Variants in SPHKAP observed in about 807,000 individuals in gnomAD.
The protein encoded by SPHKAP is A-kinase anchor protein SPHKAP.
A neutral mutation model predicts 137.5 loss-of-function variants in SPHKAP; 67 were observed. The ratio of observed to expected loss-of-function variants is 0.49; its 90% CI spans 0.40 to 0.60. The LOEUF is 0.60. Among genes scored for constraint, SPHKAP ranks in the 20% least tolerant of loss-of-function variants. SPHKAP has a pLI of 0.00. For missense variants in SPHKAP, 2,097 were observed against 2,069.3 expected (o/e 1.01, Z -0.26); for synonymous variants, 813 against 785.3 (o/e 1.04, Z -0.59).
intron 3 of SPHKAP, among the ~76,000 whole-genome samples, chr2:228,090,549 G>A (rs1379358943): frequency 6.6e-6 from 1 of 152,082 alleles, no homozygotes; most frequent in Non-Finnish European, 1.5e-5. Flanking sequence ...AGATTTTGGG[G>A]GCTAGGGGCA....
At chr2:228,047,764 G>A (rs184602157) in intron 3 of SPHKAP, among the ~76,000 whole-genome samples, 55 of 152,292 alleles carry the variant, frequency 3.6e-4, no homozygotes, top group Non-Finnish European at 7.4e-4. Flanking sequence ...ACTGTTTGAT[G>A]ATCTGAAACT....
intron 3 of SPHKAP, among the ~76,000 whole-genome samples, chr2:228,077,092 G>A (rs928130138): frequency 3.3e-5 from 5 of 152,314 alleles, no homozygotes; most frequent in Non-Finnish European, 5.9e-5. Flanking sequence ...ACATGATGTT[G>A]AGTCTGTGAG....
intron 3 of SPHKAP, among the ~76,000 whole-genome samples, chr2:228,086,351 G>A (rs2106320896): frequency 6.6e-6 from 1 of 152,116 alleles, no homozygotes; most frequent in African/African-American, 2.4e-5. Context: ...AGCACAACTT[G>A]ACAGAAGCTC....
At chr2:228,056,223 G>A (rs974785425) in intron 3 of SPHKAP, among the ~76,000 whole-genome samples, 1 of 152,290 alleles carries the variant, frequency 6.6e-6, no homozygotes, top group South Asian at 2.1e-4. Flanking sequence ...ACTAGAAGGT[G>A]GACTCATGAA....
intron 3 of SPHKAP, among the ~76,000 whole-genome samples, chr2:228,068,937 C>A (rs1037279964): frequency 4.6e-5 from 7 of 152,132 alleles, no homozygotes; most frequent in African/African-American, 9.7e-5. Flanking sequence ...ACTGTCCAAG[C>A]CTGGCCAGTC....
intron 1 of SPHKAP, among the ~76,000 whole-genome samples, chr2:228,161,261 A>G (rs1424474085): frequency 6.6e-6 from 1 of 152,228 alleles, no homozygotes; most frequent in Admixed American, 6.5e-5. Context: ...GTAGACAGTG[A>G]GAGAATGTGA....
chr2:228,079,370 C>T (rs1697285268), intron 3 of SPHKAP, among the ~76,000 whole-genome samples: 1 of 152,182 alleles, frequency 6.6e-6, no homozygotes, highest in African/African-American at 2.4e-5. Context: ...GGGTCCATGG[C>T]TCTGGGGTTG....
intron 3 of SPHKAP, among the ~76,000 whole-genome samples, chr2:228,087,864 C>T (rs531015672): frequency 1.6e-4 from 24 of 151,972 alleles, no homozygotes; most frequent in Non-Finnish European, 2.5e-4. Context: ...GAGAGAGGAG[C>T]GGCAAATATT....
intron 5 of SPHKAP, among the ~76,000 whole-genome samples, chr2:228,023,935 C>T (rs1694934895): frequency 6.6e-6 from 1 of 152,082 alleles, no homozygotes; most frequent in South Asian, 2.1e-4. Context: ...CTGCTGAAAA[C>T]CACCTGGAAA....
At position 228,016,883 on chromosome 2, in the gene SPHKAP, A is replaced by G. The variant is rs1694621982; in HGVS notation, c.3971T>C (p.Ile1324Thr). 16 of 1,613,944 alleles carry G rather than the reference A, an allele frequency of 9.9e-6. No homozygotes were observed. The highest frequency in any genetic ancestry group is 1.3e-5 in the Non-Finnish European group (15 of 1,180,010). ...GTCAGCTTCCTCTGCATCATCCACA[A>G]TGATTTTGTTCTTGCGCATGAGAGC... ...IEALMRKNKI[I>T]VDDAEEADTE... Residue 1324 changes from isoleucine to threonine, a missense_variant, in exon 7 of 12, where the codon ATT becomes ACT. Physicochemically the swap from Ile to Thr is moderately conservative, Grantham distance 89. Coordinates refer to ENST00000392056, the MANE Select transcript of SPHKAP (RefSeq NM_001142644.2).
At chr2:228,067,718 C>G (rs1696872456) in intron 3 of SPHKAP, among the ~76,000 whole-genome samples, 1 of 152,158 alleles carries the variant, frequency 6.6e-6, no homozygotes, top group Non-Finnish European at 1.5e-5. Flanking sequence ...AAAAATGACA[C>G]TGATCCAGGG....
At chr2:228,000,387 G>C (rs543062478) in intron 7 of SPHKAP, among the ~76,000 whole-genome samples, 1 of 152,338 alleles carries the variant, frequency 6.6e-6, no homozygotes, top group Admixed American at 6.5e-5. Flanking sequence ...GGGAGGCCAA[G>C]GTGGGTGGAT....
At chr2:228,016,356 C>T (rs369111412) in intron 7 of SPHKAP, 50 bp downstream of exon 7, 65 of 1,499,314 alleles carry the variant, frequency 4.3e-5, no homozygotes, top group African/African-American at 7.0e-5. Flanking sequence ...CTGATTAAGA[C>T]GCAAACTCCA....
At chr2:227,984,314 A>G (rs975726996) in intron 11 of SPHKAP, among the ~76,000 whole-genome samples, 1 of 151,374 alleles carries the variant, frequency 6.6e-6, no homozygotes, top group African/African-American at 2.4e-5. Flanking sequence ...AAAAAAAAAA[A>G]AAAAGAAAGA....
At chr2:227,992,146 TTGTCG>T (rs1308306097) in intron 9 of SPHKAP, among the ~76,000 whole-genome samples, 2 of 152,202 alleles carry the variant, frequency 1.3e-5, no homozygotes, top group Admixed American at 1.3e-4. Context: ...TCCTATATTT[TTGTCG>T]TGTCTAGAAA....
chr2:228,002,928 C>T (rs1262995563), intron 7 of SPHKAP, among the ~76,000 whole-genome samples: 4 of 152,086 alleles, frequency 2.6e-5, no homozygotes, highest in South Asian at 2.1e-4. Context: ...TTCGTCTATA[C>T]CTCTGTTTTG....
intron 2 of SPHKAP, among the ~76,000 whole-genome samples, chr2:228,121,059 G>A (rs1190880429): frequency 2.6e-5 from 4 of 152,196 alleles, no homozygotes; most frequent in Non-Finnish European, 5.9e-5. Context: ...GAAAATATAT[G>A]AAGTGCGTGA....
intron 7 of SPHKAP, among the ~76,000 whole-genome samples, chr2:228,011,096 C>T (rs763346455): frequency 1.3e-5 from 2 of 152,186 alleles, no homozygotes; most frequent in African/African-American, 2.4e-5. Flanking sequence ...GGTAACTTAC[C>T]AGCTTGGGAT....
chr2:228,111,081 C>T (rs1275466729), intron 2 of SPHKAP, among the ~76,000 whole-genome samples: 3 of 152,088 alleles, frequency 2.0e-5, no homozygotes, highest in Admixed American at 2.0e-4. Context: ...AGTTAAAAAA[C>T]ATTGAAAACC....
Sources: allele counts gnomAD v4.1 joint callset (sites outside exome capture counted in the v4.1 genomes callset), GRCh38; gene constraint gnomAD v4.1.1; transcripts MANE v1.5; gene names NCBI Gene and HGNC (gene_info 2026-07-23, HGNC 2026-07-21).